CSMD1: variants seen among roughly 807,000 people sequenced by gnomAD.
The protein encoded by CSMD1 is CUB and sushi domain-containing protein 1.
A neutral mutation model predicts 417.5 loss-of-function variants in CSMD1; 213 were observed. The ratio of observed to expected loss-of-function variants is 0.51; its 90% CI spans 0.46 to 0.57. The LOEUF is 0.57. CSMD1 is among the 20% of genes least tolerant of loss of function. The pLI is 0.00. For synonymous variants in CSMD1, 2,862 were observed against 1,736.8 expected, an observed-to-expected ratio of 1.65 and a Z score of -16.11; for missense variants, 6,923 against 4,529.7, an observed-to-expected ratio of 1.53 and a Z score of -15.17.
chr8:4,138,250 C>T (rs78850197), intron 3 of CSMD1, among the ~76,000 whole-genome samples: 7,251 of 82,080 alleles, frequency 0.088, 2,234 homozygotes, highest in Non-Finnish European at 0.16. Context: ...ATGGGTTTTC[C>T]TTTTCTCCTG....
intron 1 of CSMD1, among the ~76,000 whole-genome samples, chr8:4,806,930 C>A (rs912375114): frequency 6.6e-6 from 1 of 152,186 alleles, no homozygotes; most frequent in Non-Finnish European, 1.5e-5. Flanking sequence ...TGCCTGCGCT[C>A]TTAAGCTATT....
intron 5 of CSMD1, among the ~76,000 whole-genome samples, chr8:3,904,627 C>T: frequency 1.4e-5 from 2 of 147,506 alleles, no homozygotes; most frequent in African/African-American, 2.6e-5. Flanking sequence ...TTCTTTCTTT[C>T]TCGTTTTCTT....
intron 2 of CSMD1, 48 bp from the exon 3 acceptor site, chr8:4,420,113 T>TA: frequency 2.3e-6 from 3 of 1,318,382 alleles, no homozygotes; most frequent in African/African-American, 3.4e-5. Context: ...CATGAATTTG[T>TA]CAAAAAAAGC....
intron 2 of CSMD1, among the ~76,000 whole-genome samples, chr8:4,580,332 G>A (rs1799352693): frequency 6.6e-6 from 1 of 152,150 alleles, no homozygotes; most frequent in African/African-American, 2.4e-5. Context: ...AAAGACATGA[G>A]CCCTGTATCA....
At chr8:3,112,323 C>G (rs1252499920) in intron 42 of CSMD1, among the ~76,000 whole-genome samples, 1 of 152,174 alleles carries the variant, frequency 6.6e-6, no homozygotes, top group Non-Finnish European at 1.5e-5. Flanking sequence ...TAAGGTTTCC[C>G]TTTTGCATTT....
rs569576506 is a variant in CSMD1 at position 4,622,197 on chromosome 8, A to C, written c.302+15145T>G. Among the ~76,000 whole-genome samples, 21 of 151,656 alleles carry C rather than the reference A, an allele frequency of 1.4e-4. No individual in the cohort carries two copies. In the East Asian group the frequency reaches 3.9e-3, roughly 28 times the overall value. ...TAAAAAAAAAAAAAAAGAATGGCAG[A>C]CATATTGACCTGACATTACCTGGAG... On this transcript the variant is annotated intron_variant, in intron 2 of 69. Transcript: ENST00000635120.
At chr8:3,081,408 A>G (rs951885018) in intron 49 of CSMD1, among the ~76,000 whole-genome samples, 5 of 152,336 alleles carry the variant, frequency 3.3e-5, no homozygotes, top group African/African-American at 1.2e-4. Flanking sequence ...ATAGATCAAT[A>G]TAGATTTTAA....
chr8:4,798,630 A>C (rs559733000), intron 1 of CSMD1, among the ~76,000 whole-genome samples: 1 of 152,208 alleles, frequency 6.6e-6, no homozygotes, highest in South Asian at 2.1e-4. Context: ...ATTCGTCTAA[A>C]ACCTGGTCAA....
At chr8:4,753,408 CACA>C (rs1413814550) in intron 1 of CSMD1, among the ~76,000 whole-genome samples, 10 of 4,642 alleles carry the variant, frequency 2.2e-3, no homozygotes, top group African/African-American at 4.2e-3. Context: ...ATAAACCACA[CACA>C]CACACACACA....
chr8:3,500,865 G>A (rs1463489730), intron 10 of CSMD1, among the ~76,000 whole-genome samples: 2 of 152,158 alleles, frequency 1.3e-5, no homozygotes, highest in African/African-American at 4.8e-5. Flanking sequence ...GATCTCTCAG[G>A]TATCTTAACT....
At chr8:4,081,656 C>T (rs865873344) in intron 3 of CSMD1, among the ~76,000 whole-genome samples, 3 of 152,130 alleles carry the variant, frequency 2.0e-5, no homozygotes, top group Admixed American at 1.3e-4. Context: ...AGATACTATG[C>T]TACACAATGC....
intron 10 of CSMD1, among the ~76,000 whole-genome samples, chr8:3,537,160 C>G (rs773535004): frequency 6.6e-6 from 1 of 152,048 alleles, no homozygotes. Flanking sequence ...CCCGCCACCA[C>G]GCCCAGCTAA....
intron 25 of CSMD1, among the ~76,000 whole-genome samples, chr8:3,291,530 C>G (rs1427891375): frequency 6.6e-6 from 1 of 152,230 alleles, no homozygotes; most frequent in East Asian, 1.9e-4. Context: ...TTCAGAGATT[C>G]AACTTCTTCC....
chr8:3,305,745 TCTCAG>T (rs1240091048), intron 25 of CSMD1, among the ~76,000 whole-genome samples: 5 of 152,294 alleles, frequency 3.3e-5, no homozygotes, highest in Non-Finnish European at 5.9e-5. Flanking sequence ...AGTGGCACGA[TCTCAG>T]CTCACTGCAG....
rs148539308 is a variant in CSMD1, at chr8:3,281,519, C to T, written c.4153+2625G>A. On this transcript the variant is annotated intron_variant, in intron 26 of 69. Coordinates refer to ENST00000635120, the MANE Select transcript of CSMD1 (RefSeq NM_033225.6). ...TATTCGCTGCTAAAAAGAAATGATC[C>T]GTACAGCCATGAAAAGACCTGGAGC... Among the ~76,000 whole-genome samples, 250 of 152,186 alleles carry T rather than the reference C, an allele frequency of 1.6e-3. 2 individuals carry two copies. Among genetic ancestry groups the T allele is most frequent in the African/African-American group, 5.5e-3 (230 of 41,516 alleles).
At chr8:4,334,549 T>C (rs975275695) in intron 3 of CSMD1, among the ~76,000 whole-genome samples, 3 of 152,150 alleles carry the variant, frequency 2.0e-5, no homozygotes, top group Non-Finnish European at 4.4e-5. Flanking sequence ...ACTCTCCAGA[T>C]AGTATGAAAG....
At chr8:3,668,902 C>T (rs1416939883) in intron 7 of CSMD1, among the ~76,000 whole-genome samples, 1 of 152,144 alleles carries the variant, frequency 6.6e-6, no homozygotes, top group Non-Finnish European at 1.5e-5. Flanking sequence ...AAAGCAACGC[C>T]TACATCCCCT....
intron 8 of CSMD1, among the ~76,000 whole-genome samples, chr8:3,590,694 T>G (rs1046231205): frequency 5.9e-5 from 9 of 152,158 alleles, no homozygotes; most frequent in Admixed American, 5.9e-4. Flanking sequence ...AGGAGCAACC[T>G]CTTCATTTGA....
At chr8:3,551,477 C>G (rs931709384) in intron 10 of CSMD1, among the ~76,000 whole-genome samples, 2 of 151,734 alleles carry the variant, frequency 1.3e-5, no homozygotes, top group Admixed American at 6.6e-5. Context: ...TTACCAAATA[C>G]ATAACTTTTA....
Sources: allele counts gnomAD v4.1 joint callset (sites outside exome capture counted in the v4.1 genomes callset), GRCh38; gene constraint gnomAD v4.1.1; transcripts MANE v1.5; gene names NCBI Gene and HGNC (gene_info 2026-07-23, HGNC 2026-07-21).